The following PDGFD variants were observed in gnomAD, a reference collection of about 807,000 sequenced individuals.
PDGFD encodes the protein platelet derived growth factor D, also known as platelet-derived growth factor D.
A neutral mutation model predicts 44.7 loss-of-function variants in PDGFD; 30 were observed. The ratio of observed to expected loss-of-function variants is 0.67; its 90% CI spans 0.50 to 0.91. PDGFD has a LOEUF of 0.91. Among genes scored for constraint, PDGFD ranks in the 40% least tolerant of loss-of-function variants. The pLI, the probability that PDGFD is intolerant of heterozygous loss-of-function variation, is 0.00. For synonymous variants in PDGFD, 173 were observed against 168.4 expected (o/e 1.03, Z -0.21); for missense variants, 445 against 457.8 (o/e 0.97, Z 0.25).
intron 3 of PDGFD, among the ~76,000 whole-genome samples, chr11:103,965,562 G>A (rs1261990352): frequency 6.6e-6 from 1 of 152,130 alleles, no homozygotes; most frequent in African/African-American, 2.4e-5. Context: ...GATATGTATG[G>A]GTAGAAAGAA....
intron 5 of PDGFD, among the ~76,000 whole-genome samples, chr11:103,930,731 T>C (rs1858388681): frequency 6.6e-6 from 1 of 152,150 alleles, no homozygotes; most frequent in African/African-American, 2.4e-5. Flanking sequence ...GACCACTTGC[T>C]GTGCAAATGA....
At chr11:104,117,826 T>G (rs112428545) in intron 1 of PDGFD, among the ~76,000 whole-genome samples, 1,610 of 151,824 alleles carry the variant, frequency 0.011, 24 homozygotes, top group East Asian at 0.051. Context: ...ATCTACAAAT[T>G]CAACACAATT....
At position 104,164,017 on chromosome 11, in the gene PDGFD, G is replaced by GCCTGCGCTCGC. The variant is rs1039572076; in HGVS notation, c.-101_-91dup. 2.9e-6 allele frequency: 4 copies of GCCTGCGCTCGC among 1,367,744 alleles called. No homozygotes were observed. In the African/African-American group the frequency reaches 4.4e-5, roughly 15 times the overall value. The allele number at this position is 1,367,744 out of a possible 1,614,324, so 84.7% of individuals were successfully genotyped here. ...CGCCGCGCCGCCCTGCGCTCTCGCCGCCTGCGCTCGCCCTGCGCTGGCCCG... is the reference window on the plus strand; with the variant it reads ...CGCCGCGCCGCCCTGCGCTCTCGCCGCCTGCGCTCGCCCTGCGCTCGCCCTGCGCTGGCCCG... On this transcript the variant is annotated 5_prime_UTR_variant, in exon 1 of 7. Transcript: ENST00000393158.
At chr11:103,982,195 A>C (rs1859281253) in intron 3 of PDGFD, among the ~76,000 whole-genome samples, 1 of 151,706 alleles carries the variant, frequency 6.6e-6, no homozygotes, top group African/African-American at 2.4e-5. Context: ...GGAGACAGCA[A>C]GTCTTTCAGA....
Position 103,949,581 on chromosome 11 carries a change from A to G in PDGFD, c.511-1857T>C, listed in dbSNP as rs1591090135. Among the ~76,000 whole-genome samples, 4 of 152,228 alleles carry G rather than the reference A, an allele frequency of 2.6e-5. No homozygotes were observed. In the East Asian group the frequency reaches 7.7e-4, roughly 29 times the overall value. On this transcript the variant is annotated intron_variant, in intron 3 of 6. Transcript: ENST00000393158. Reference sequence around the variant, plus strand: ...TGGTAATGACAGGAGCAATCCTCACATTACAGAATTTTCATTTTCCCTTGT... The same window carrying G: ...TGGTAATGACAGGAGCAATCCTCACGTTACAGAATTTTCATTTTCCCTTGT...
intron 1 of PDGFD, among the ~76,000 whole-genome samples, chr11:104,065,054 G>C (rs1437490558): frequency 1.3e-5 from 2 of 152,172 alleles, no homozygotes; most frequent in African/African-American, 4.8e-5. Flanking sequence ...AATAAAAGGA[G>C]GCAGAAGAAC....
At chr11:103,944,075 G>T (rs544980203) in intron 4 of PDGFD, among the ~76,000 whole-genome samples, 25 of 152,110 alleles carry the variant, frequency 1.6e-4, no homozygotes, top group Admixed American at 3.3e-4. Context: ...CCACTGTTAA[G>T]TTCCACATTC....
intron 1 of PDGFD, 132 bp from the exon 2 acceptor site, chr11:104,000,387 T>C (rs1035566423): frequency 1.2e-5 from 9 of 774,384 alleles, no homozygotes; most frequent in South Asian, 7.3e-5. Context: ...TAAGTCTAAA[T>C]GCAAATAAAC....
intron 5 of PDGFD, among the ~76,000 whole-genome samples, chr11:103,934,816 T>C (rs1322821826): frequency 3.3e-5 from 5 of 152,132 alleles, no homozygotes; most frequent in Non-Finnish European, 7.4e-5. Context: ...ATGGGGATTA[T>C]GGGGATTGCA....
intron 5 of PDGFD, among the ~76,000 whole-genome samples, chr11:103,929,602 C>G (rs1858369393): frequency 6.6e-6 from 1 of 152,198 alleles, no homozygotes; most frequent in South Asian, 2.1e-4. Flanking sequence ...CATCAATTCA[C>G]TAATGTCACT....
chr11:104,128,971 C>T (rs1861878720), intron 1 of PDGFD, among the ~76,000 whole-genome samples: 1 of 152,154 alleles, frequency 6.6e-6, no homozygotes, highest in Non-Finnish European at 1.5e-5. Flanking sequence ...AAACTCCGTA[C>T]ATCCAGTGAT....
intron 1 of PDGFD, among the ~76,000 whole-genome samples, chr11:104,114,720 T>C (rs1861606667): frequency 6.6e-6 from 1 of 152,050 alleles, no homozygotes. Flanking sequence ...TGAATCTTCC[T>C]ATACATGACC....
At chr11:103,954,920 T>C (rs1297659973) in intron 3 of PDGFD, among the ~76,000 whole-genome samples, 1 of 151,714 alleles carries the variant, frequency 6.6e-6, no homozygotes, top group East Asian at 1.9e-4. Context: ...ATCCCAGCAC[T>C]TTGGGAGGCC....
intron 3 of PDGFD, among the ~76,000 whole-genome samples, chr11:103,953,119 C>T (rs184331082): frequency 2.7e-5 from 4 of 150,714 alleles, no homozygotes; most frequent in Admixed American, 1.3e-4. Flanking sequence ...GCATAAAAAT[C>T]GATACACCTT....
At chr11:103,986,371 C>G (rs1484712149) in intron 3 of PDGFD, among the ~76,000 whole-genome samples, 2 of 152,158 alleles carry the variant, frequency 1.3e-5, no homozygotes, top group African/African-American at 4.8e-5. Flanking sequence ...ACCAAAGATA[C>G]CTGATTGAAA....
At chr11:104,083,480 TTACTC>T (rs1216630825) in intron 1 of PDGFD, among the ~76,000 whole-genome samples, 22 of 152,224 alleles carry the variant, frequency 1.4e-4, no homozygotes, top group African/African-American at 4.8e-4. Flanking sequence ...GGACCACTGA[TTACTC>T]TATAGCTAGT....
At chr11:104,021,914 A>T (rs754153442) in intron 1 of PDGFD, among the ~76,000 whole-genome samples, 37 of 152,166 alleles carry the variant, frequency 2.4e-4, no homozygotes, top group Non-Finnish European at 4.6e-4. Context: ...CAAGTTTATG[A>T]GTAGCACATT....
intron 3 of PDGFD, among the ~76,000 whole-genome samples, chr11:103,970,110 T>G (rs1406880325): frequency 6.6e-6 from 1 of 152,088 alleles, no homozygotes; most frequent in African/African-American, 2.4e-5. Flanking sequence ...TATAGGGCCC[T>G]GGTTAGGGCA....
chr11:104,159,153 C>CAA (rs765727400), intron 1 of PDGFD, among the ~76,000 whole-genome samples: 16,546 of 66,200 alleles, frequency 0.25, 1,658 homozygotes, highest in Middle Eastern at 0.31. Context: ...GACTCCATCT[C>CAA]AAAAAAAAAA....
Sources: gnomAD v4.1 joint callset for allele counts (sites outside exome capture counted in the v4.1 genomes callset) on GRCh38, gnomAD v4.1.1 for gene constraint, MANE v1.5 for transcripts, NCBI Gene and HGNC (gene_info 2026-07-23, HGNC 2026-07-21) for gene names.